Variants in KLF17 observed in about 807,000 individuals in gnomAD.
KLF17 encodes KLF transcription factor 17.
In KLF17, 31 loss-of-function variants were observed where a neutral mutation model predicts 34.2. That is an observed-to-expected ratio of 0.91 (90% CI 0.68 to 1.22). The LOEUF is 1.22. KLF17 is among the 50% of genes most tolerant of loss of function. KLF17 has a pLI of 0.00. For missense variants in KLF17, 478 were observed against 505.2 expected (o/e 0.95, Z 0.52); for synonymous variants, 179 against 186.7 (o/e 0.96, Z 0.34).
At chr1:44,091,078 T>A in the KLF17 span, among the ~76,000 whole-genome samples, 2 of 152,262 alleles carry the variant, frequency 1.3e-5, no homozygotes, top group African/African-American at 4.8e-5. Context: ...GTAGGTTATA[T>A]CTATCAACAT....
chr1:44,079,990 G>A, the KLF17 span, among the ~76,000 whole-genome samples: 11 of 151,258 alleles, frequency 7.3e-5, no homozygotes, highest in Middle Eastern at 3.4e-3. Flanking sequence ...GTGCAGTGGC[G>A]TGATCTCGGC....
intron 1 of KLF17, among the ~76,000 whole-genome samples, chr1:44,126,590 A>G (rs2088010898): frequency 6.6e-6 from 1 of 152,090 alleles, no homozygotes; most frequent in Non-Finnish European, 1.5e-5. Flanking sequence ...CTACCCTGCT[A>G]TCTTCCTTGA....
chr1:44,129,544 G>GC lies in KLF17; in HGVS notation c.275dup (p.Leu93ThrfsTer3), dbSNP rs1215156253. The GC allele has an allele frequency of 1.9e-6, 3 of 1,613,680 alleles. No individual in the cohort carries two copies. Among genetic ancestry groups the GC allele is most frequent in the Non-Finnish European group, 8.5e-7 (1 of 1,179,812 alleles). ...ATGAAGGGGGGCCACAGTTCAGTATGCCACTGCCTGAGCGTGGTATGAGCT... is the reference window on the plus strand; with the variant it reads ...ATGAAGGGGGGCCACAGTTCAGTATGCCCACTGCCTGAGCGTGGTATGAGCT... On this transcript the variant is annotated frameshift_variant, in exon 2 of 4. Coordinates refer to ENST00000372299, the MANE Select transcript of KLF17 (RefSeq NM_173484.4). LOFTEE classifies it high-confidence loss of function.
At chr1:44,095,970 C>T in the KLF17 span, among the ~76,000 whole-genome samples, 28 of 151,996 alleles carry the variant, frequency 1.8e-4, no homozygotes, top group African/African-American at 6.8e-4. Context: ...GAGACAGAGT[C>T]TTGCTCTGTT....
chr1:44,051,999 C>T, the KLF17 span: 1 of 152,208 alleles, frequency 6.6e-6, no homozygotes, highest in African/African-American at 2.4e-5. Context: ...AGAGGCTTTC[C>T]CCACAGGAAC....
chr1:44,084,679 CA>C, the KLF17 span, among the ~76,000 whole-genome samples: 73,641 of 129,022 alleles, frequency 0.57, 19,741 homozygotes, highest in Admixed American at 0.64. Context: ...GATCTTGTCT[CA>C]AAAAAAAAAA....
At chr1:44,053,443 C>G in the KLF17 span, among the ~76,000 whole-genome samples, 1 of 152,070 alleles carries the variant, frequency 6.6e-6, no homozygotes, top group African/African-American at 2.4e-5. Context: ...TGAAGCCTCT[C>G]CAGTCCCCTA....
In KLF17 at chr1:44,127,682, C is replaced by CT. The variant is rs1248538242; in HGVS notation, c.82-1668dup. Among the ~76,000 whole-genome samples, 183 of 50,324 alleles carry CT rather than the reference C, an allele frequency of 3.6e-3. 2 individuals are homozygous for CT. The highest frequency in any genetic ancestry group is 0.012 in the African/African-American group (168 of 14,484). 33.0% of individuals were successfully genotyped at this position (50,324 alleles called of 152,430 possible). A position where few individuals can be genotyped will look rare whatever the true frequency, so the allele number is the denominator to read the frequency against. On this transcript the variant is annotated intron_variant, in intron 1 of 3. Transcript: ENST00000372299. ...TCTTTCTTTCTTTCTTTCTTTCTTT[C>CT]TTTCTTTCTTTTTCTTTCTTTCTTT... is the stretch of plus-strand genomic sequence containing the variant.
chr1:44,055,263 C>T, the KLF17 span, among the ~76,000 whole-genome samples: 7 of 152,252 alleles, frequency 4.6e-5, no homozygotes, highest in East Asian at 1.9e-4. Context: ...ACCCTGGACA[C>T]GGCAGGCAAA....
At chr1:44,104,897 A>C in the KLF17 span, 4 of 155,290 alleles carry the variant, frequency 2.6e-5, no homozygotes, top group South Asian at 2.0e-4. Flanking sequence ...ATGTAAAAAA[A>C]AAAACAAAAC....
chr1:44,111,687 T>C, the KLF17 span, among the ~76,000 whole-genome samples: 4 of 151,696 alleles, frequency 2.6e-5, no homozygotes, highest in Non-Finnish European at 5.9e-5. Flanking sequence ...AGGTCAGGAG[T>C]TCGAGACTGT....
chr1:44,045,111 G>A, the KLF17 span: 2 of 152,232 alleles, frequency 1.3e-5, no homozygotes, highest in African/African-American at 4.8e-5. Flanking sequence ...TGAGATTGGA[G>A]CCACCTGCCT....
At chr1:44,105,720 C>A in the KLF17 span, among the ~76,000 whole-genome samples, 1 of 152,110 alleles carries the variant, frequency 6.6e-6, no homozygotes, top group Non-Finnish European at 1.5e-5. Context: ...AGTGTGCACA[C>A]TGGGACTCTT....
chr1:44,118,833 C>T lies in KLF17; in HGVS notation c.-75C>T. On this transcript the variant is annotated 5_prime_UTR_variant, in exon 1 of 4. It introduces an in-frame stop codon into an upstream open reading frame of the 5' UTR. Coordinates refer to ENST00000372299, the MANE Select transcript of KLF17 (RefSeq NM_173484.4). ...AGGTGATTGTGGCGTGGCGATGTACCGATACCCGCCTGCGACGCCGTGGTG... is the reference window on the plus strand; with the variant it reads ...AGGTGATTGTGGCGTGGCGATGTACTGATACCCGCCTGCGACGCCGTGGTG... The T allele has an allele frequency of 5.2e-6, 6 of 1,158,754 alleles. No homozygotes were observed. Among genetic ancestry groups the T allele is most frequent in the South Asian group, 1.6e-5 (1 of 61,450 alleles). The allele number at this position is 1,158,754 out of a possible 1,614,324, so 71.8% of individuals were successfully genotyped here.
intron 1 of KLF17, chr1:44,122,422 C>G: frequency 2.0e-6 from 3 of 1,485,676 alleles, no homozygotes; most frequent in South Asian, 1.1e-5. Context: ...ACATCCACAC[C>G]TGTGACTGTT....
the KLF17 span, among the ~76,000 whole-genome samples, chr1:44,083,793 CAA>C: frequency 1.2e-4 from 12 of 104,252 alleles, no homozygotes; most frequent in African/African-American, 2.2e-4. Context: ...GACTCTGTCT[CAA>C]AAAAAAAAAA....
At position 44,133,465 on chromosome 1, in the gene KLF17, A is replaced by G. The variant is rs543678870; in HGVS notation, c.*228A>G. The G allele has an allele frequency of 1.6e-4, 24 of 152,292 alleles. No individual in the cohort carries two copies. The highest frequency in any genetic ancestry group is 5.8e-4 in the African/African-American group (24 of 41,544). 9.4% of individuals were successfully genotyped at this position (152,292 alleles called of 1,614,324 possible). A position where few individuals can be genotyped will look rare whatever the true frequency, so the allele number is the denominator to read the frequency against. Reference sequence around the variant, plus strand: ...GAGGTGCCTCCATCAGACCCAAAGGACTCATGGGGGCTAGCTGCACCTCAC... The same window carrying G: ...GAGGTGCCTCCATCAGACCCAAAGGGCTCATGGGGGCTAGCTGCACCTCAC... On this transcript the variant is annotated 3_prime_UTR_variant, in exon 4 of 4. Coordinates refer to ENST00000372299, the MANE Select transcript of KLF17 (RefSeq NM_173484.4).
the KLF17 span, among the ~76,000 whole-genome samples, chr1:44,102,565 T>TACACACACACAC: frequency 2.6e-4 from 23 of 89,334 alleles, no homozygotes; most frequent in East Asian, 2.9e-3. Flanking sequence ...CACATACACA[T>TACACACACACAC]ACACACACAC....
chr1:44,058,506 G>C, the KLF17 span, among the ~76,000 whole-genome samples: 8 of 151,924 alleles, frequency 5.3e-5, no homozygotes, highest in African/African-American at 1.9e-4. Flanking sequence ...GGTCAGGCTG[G>C]TCTCGAACTC....
Sources: gnomAD v4.1 joint callset for allele counts (sites outside exome capture counted in the v4.1 genomes callset) on GRCh38, gnomAD v4.1.1 for gene constraint, MANE v1.5 for transcripts, NCBI Gene and HGNC (gene_info 2026-07-23, HGNC 2026-07-21) for gene names.